The following MAGI2 variants were observed in gnomAD, a reference collection of about 807,000 sequenced individuals.
The protein encoded by MAGI2 is membrane associated guanylate kinase, WW and PDZ domain containing 2, also known as membrane-associated guanylate kinase, WW and PDZ domain-containing protein 2.
In MAGI2, 35 loss-of-function variants were observed where a neutral mutation model predicts 133.3. That is an observed-to-expected ratio of 0.26 (90% CI 0.20 to 0.35). MAGI2 has a LOEUF of 0.35. MAGI2 is among the 10% of genes least tolerant of loss of function. The probability of loss-of-function intolerance (pLI) is 1.00; values close to 1 mark genes in which losing one functional copy is unlikely to be tolerated. For missense variants in MAGI2, 1,636 were observed against 1,863.4 expected (o/e 0.88, Z 2.25); for synonymous variants, 729 against 710.6 (o/e 1.03, Z -0.41).
chr7:78,285,024 C>T (rs1042905250), intron 9 of MAGI2, among the ~76,000 whole-genome samples: 2 of 152,104 alleles, frequency 1.3e-5, no homozygotes, highest in Non-Finnish European at 2.9e-5. Flanking sequence ...GTCAACTGGC[C>T]ACGGACACTC....
intron 10 of MAGI2, among the ~76,000 whole-genome samples, chr7:78,214,823 A>G (rs555198342): frequency 1.4e-4 from 22 of 152,356 alleles, no homozygotes; most frequent in African/African-American, 5.3e-4. Flanking sequence ...GGGATTAAGA[A>G]CAAACTTGTT....
chr7:78,799,544 T>C (rs1450649829), intron 2 of MAGI2, among the ~76,000 whole-genome samples: 1 of 152,220 alleles, frequency 6.6e-6, no homozygotes, highest in Non-Finnish European at 1.5e-5. Context: ...CTTTAATCCA[T>C]GTGGCCAAGG....
At chr7:78,983,305 G>C (rs1226999266) in intron 2 of MAGI2, among the ~76,000 whole-genome samples, 2 of 151,894 alleles carry the variant, frequency 1.3e-5, no homozygotes, top group Non-Finnish European at 2.9e-5. Flanking sequence ...GTAAATACAT[G>C]TGCTTTTATA....
At chr7:78,083,984 T>C (rs1816341255) in intron 20 of MAGI2, among the ~76,000 whole-genome samples, 1 of 152,240 alleles carries the variant, frequency 6.6e-6, no homozygotes, top group African/African-American at 2.4e-5. Flanking sequence ...GATTAAATCC[T>C]GGATTTACTT....
rs957768358 is a variant in MAGI2, at chr7:78,090,566, G to A, written c.3568-11481C>T. On this transcript the variant is annotated intron_variant, in intron 20 of 21. Coordinates refer to ENST00000354212, the MANE Select transcript of MAGI2 (RefSeq NM_012301.4). ...AACTGAGGTGCCTGGCACAAGATAA[G>A]AGCTTCATAAATATTTCTTAAATGA... 5.9e-5 allele frequency among the ~76,000 whole-genome samples: 9 copies of A among 152,296 alleles called. No individual in the cohort carries two copies. The East Asian group carries it at 1.7e-3, about 29-fold the overall frequency.
At chr7:78,109,574 G>C (rs576229717) in intron 20 of MAGI2, among the ~76,000 whole-genome samples, 1 of 152,238 alleles carries the variant, frequency 6.6e-6, no homozygotes, top group African/African-American at 2.4e-5. Context: ...GGAGGTTGCA[G>C]TGAGCTGAGA....
At chr7:79,374,608 T>C (rs1469159373) in intron 1 of MAGI2, among the ~76,000 whole-genome samples, 2 of 152,000 alleles carry the variant, frequency 1.3e-5, no homozygotes, top group African/African-American at 2.4e-5. Flanking sequence ...GAAAATAATC[T>C]TTTATACAAT....
chr7:78,621,522 T>C lies in MAGI2; in HGVS notation c.538+5598A>G, dbSNP rs192191868. Among the ~76,000 whole-genome samples the C allele has an allele frequency of 6.4e-3, 977 of 151,992 alleles. 7 individuals carry two copies. The highest frequency in any genetic ancestry group is 0.016 in the South Asian group (78 of 4,820). ...CCTGATGGTTACTATCATGGCCAAG[T>C]CCCCCAGGCAATTCACATGCAAGGC... On this transcript the variant is annotated intron_variant, in intron 3 of 21. Coordinates refer to ENST00000354212, the MANE Select transcript of MAGI2 (RefSeq NM_012301.4).
At chr7:78,592,451 T>C (rs1185212283) in intron 3 of MAGI2, among the ~76,000 whole-genome samples, 1 of 151,500 alleles carries the variant, frequency 6.6e-6, no homozygotes, top group Non-Finnish European at 1.5e-5. Context: ...AAAGCAGCCA[T>C]AGATGTGATT....
At chr7:79,416,796 G>A (rs2190180) in intron 1 of MAGI2, among the ~76,000 whole-genome samples, 2,891 of 145,178 alleles carry the variant, frequency 0.02, 108 homozygotes, top group African/African-American at 0.071. Context: ...GTGCAGTGGC[G>A]CAATCTCAGC....
intron 1 of MAGI2, among the ~76,000 whole-genome samples, chr7:79,439,513 T>C (rs1848364832): frequency 6.6e-6 from 1 of 152,118 alleles, no homozygotes; most frequent in Non-Finnish European, 1.5e-5. Context: ...AAGGTAGTAA[T>C]GTTTACTCTT....
chr7:78,906,831 C>G (rs567864334), intron 2 of MAGI2, among the ~76,000 whole-genome samples: 4 of 152,132 alleles, frequency 2.6e-5, no homozygotes, highest in African/African-American at 7.2e-5. Flanking sequence ...TGTGTATGCA[C>G]ACATATATGA....
At chr7:78,671,928 G>C (rs1464865188) in intron 2 of MAGI2, among the ~76,000 whole-genome samples, 1 of 152,166 alleles carries the variant, frequency 6.6e-6, no homozygotes, top group Non-Finnish European at 1.5e-5. Flanking sequence ...TTGAAGCTGT[G>C]CATAAAAAGC....
At chr7:78,504,106 T>C (rs1010520162) in intron 4 of MAGI2, among the ~76,000 whole-genome samples, 32 of 152,126 alleles carry the variant, frequency 2.1e-4, no homozygotes, top group African/African-American at 7.7e-4. Context: ...GAAGACCTAG[T>C]AAGACCATGG....
At chr7:78,685,858 T>A (rs960985709) in intron 2 of MAGI2, among the ~76,000 whole-genome samples, 2 of 152,162 alleles carry the variant, frequency 1.3e-5, no homozygotes, top group African/African-American at 4.8e-5. Flanking sequence ...CTTGGGCTAC[T>A]GTGAGCACAG....
intron 4 of MAGI2, among the ~76,000 whole-genome samples, chr7:78,504,373 C>T (rs1263643305): frequency 1.3e-5 from 2 of 151,982 alleles, no homozygotes; most frequent in African/African-American, 2.4e-5. Context: ...ATTCATTTAC[C>T]CCACATTTAG....
chr7:78,692,240 A>G (rs1295316082), intron 2 of MAGI2, among the ~76,000 whole-genome samples: 1 of 152,234 alleles, frequency 6.6e-6, no homozygotes, highest in Non-Finnish European at 1.5e-5. Flanking sequence ...AAATAAACAT[A>G]CAAATGAAAC....
intron 2 of MAGI2, among the ~76,000 whole-genome samples, chr7:78,888,175 C>T (rs561281669): frequency 4.9e-4 from 75 of 152,206 alleles, no homozygotes; most frequent in African/African-American, 1.7e-3. Flanking sequence ...TGCAGGAAGG[C>T]TGGGGGAGGG....
chr7:79,016,060 A>G (rs922154498), intron 1 of MAGI2, among the ~76,000 whole-genome samples: 2 of 149,346 alleles, frequency 1.3e-5, no homozygotes, highest in Admixed American at 1.3e-4. Flanking sequence ...GGGCCCCTGG[A>G]ATCCTGCCAG....
Sources: allele counts gnomAD v4.1 joint callset (sites outside exome capture counted in the v4.1 genomes callset), GRCh38; gene constraint gnomAD v4.1.1; transcripts MANE v1.5; gene names NCBI Gene and HGNC (gene_info 2026-07-23, HGNC 2026-07-21).